CSMD1: variants seen among roughly 807,000 people sequenced by gnomAD.
CSMD1 encodes the protein CUB and sushi domain-containing protein 1.
Under a neutral mutation model 417.5 loss-of-function variants are expected in CSMD1, and 213 were observed. That is an observed-to-expected ratio of 0.51 (90% CI 0.46 to 0.57). CSMD1 has a LOEUF of 0.57. CSMD1 is among the 20% of genes least tolerant of loss of function. The probability of loss-of-function intolerance (pLI) is 0.00; values close to 1 mark genes in which losing one functional copy is unlikely to be tolerated. For synonymous variants in CSMD1, 2,862 were observed against 1,736.8 expected, an observed-to-expected ratio of 1.65 and a Z score of -16.11; for missense variants, 6,923 against 4,529.7, an observed-to-expected ratio of 1.53 and a Z score of -15.17.
chr8:3,979,426 G>C (rs1388068688), intron 5 of CSMD1, among the ~76,000 whole-genome samples: 1 of 152,178 alleles, frequency 6.6e-6, no homozygotes, highest in Non-Finnish European at 1.5e-5. Context: ...AGCTGCAGGA[G>C]AAGGCGTTGA....
At chr8:3,336,805 G>T (rs1414166498) in intron 23 of CSMD1, among the ~76,000 whole-genome samples, 1 of 152,180 alleles carries the variant, frequency 6.6e-6, no homozygotes, top group Non-Finnish European at 1.5e-5. Context: ...TGGGCTTCCA[G>T]GACAGGCACA....
chr8:4,164,358 C>G (rs913805788), intron 3 of CSMD1, among the ~76,000 whole-genome samples: 3 of 152,088 alleles, frequency 2.0e-5, no homozygotes, highest in African/African-American at 7.2e-5. Context: ...ACAACAGTCA[C>G]ACACTGTACT....
chr8:4,429,712 G>A (rs1380179881), intron 2 of CSMD1, among the ~76,000 whole-genome samples: 21 of 152,208 alleles, frequency 1.4e-4, no homozygotes, highest in South Asian at 6.2e-4. Context: ...AGCTCCATGA[G>A]GGCAGAAGTG....
chr8:4,296,021 T>A (rs1014185847), intron 3 of CSMD1, among the ~76,000 whole-genome samples: 1 of 151,882 alleles, frequency 6.6e-6, no homozygotes, highest in African/African-American at 2.4e-5. Context: ...AACAACATCT[T>A]AAAAATGAAA....
chr8:4,702,992 T>C (rs1807682686), intron 1 of CSMD1, among the ~76,000 whole-genome samples: 1 of 152,194 alleles, frequency 6.6e-6, no homozygotes, highest in African/African-American at 2.4e-5. Flanking sequence ...CAAAAAAGAA[T>C]GATTATTTAA....
rs561196689 is a variant in CSMD1, at chr8:3,586,049, A to G, written c.1222+87T>C. On this transcript the variant is annotated intron_variant, in intron 9 of 69. Coordinates refer to ENST00000635120, the MANE Select transcript of CSMD1 (RefSeq NM_033225.6). ...CCGAATTCTACTCTTCCCATACACA[A>G]TGCTTCATGCTTAAATTGTATATTC... The G allele has an allele frequency of 1.5e-5, 20 of 1,373,856 alleles. 1 individual carries two copies. In the South Asian group the frequency reaches 2.3e-4, roughly 16 times the overall value. The allele number at this position is 1,373,856 out of a possible 1,614,324, so 85.1% of individuals were successfully genotyped here.
intron 3 of CSMD1, among the ~76,000 whole-genome samples, chr8:4,299,523 T>G (rs1271736101): frequency 6.6e-6 from 1 of 152,180 alleles, no homozygotes; most frequent in Non-Finnish European, 1.5e-5. Context: ...AAGTGCTGAG[T>G]ATATTGCAAA....
At chr8:3,596,987 G>A (rs1035104723) in intron 8 of CSMD1, among the ~76,000 whole-genome samples, 10 of 152,128 alleles carry the variant, frequency 6.6e-5, no homozygotes, top group Non-Finnish European at 1.2e-4. Context: ...GGCTCACTCT[G>A]TTTCTGTGGC....
intron 8 of CSMD1, among the ~76,000 whole-genome samples, chr8:3,588,050 G>A (rs2469371): frequency 0.87 from 132,616 of 152,080 alleles, 58,193 homozygotes; most frequent in African/African-American, 0.91. Context: ...TTGATCATTG[G>A]TCTGTGTTTA....
At chr8:3,902,341 A>T (rs185367034) in intron 5 of CSMD1, among the ~76,000 whole-genome samples, 2 of 152,232 alleles carry the variant, frequency 1.3e-5, no homozygotes, top group East Asian at 3.9e-4. Flanking sequence ...TTTTGTTTCA[A>T]ATCTTGGCTT....
rs566103433 is a variant in CSMD1 at position 3,470,031 on chromosome 8, T to C, written c.1449-1207A>G. 3.6e-3 allele frequency among the ~76,000 whole-genome samples: 552 copies of C among 152,236 alleles called. 4 individuals carry two copies. Among genetic ancestry groups the C allele is most frequent in the Non-Finnish European group, 4.6e-3 (314 of 68,006 alleles). ...CCAAAAAGCGCACAGATCGTGAATG[T>C]CTAACTCTATGAATTTTTACAAAGT... On this transcript the variant is annotated intron_variant, in intron 11 of 69. Transcript: ENST00000635120.
At chr8:4,779,888 G>A (rs996634578) in intron 1 of CSMD1, among the ~76,000 whole-genome samples, 1 of 151,936 alleles carries the variant, frequency 6.6e-6, no homozygotes, top group Non-Finnish European at 1.5e-5. Context: ...CTGCTTCGGG[G>A]CCTTGCTTTT....
chr8:3,283,612 C>T (rs1011649277), intron 26 of CSMD1, among the ~76,000 whole-genome samples: 1 of 152,156 alleles, frequency 6.6e-6, no homozygotes, highest in East Asian at 1.9e-4. Context: ...CTACTTGCCC[C>T]TTCTGCCCTG....
At chr8:3,802,004 G>A (rs774008557) in intron 5 of CSMD1, among the ~76,000 whole-genome samples, 3 of 151,966 alleles carry the variant, frequency 2.0e-5, no homozygotes, top group Non-Finnish European at 2.9e-5. Flanking sequence ...TTCTAAAATC[G>A]GATTGTGATG....
intron 5 of CSMD1, among the ~76,000 whole-genome samples, chr8:3,843,214 A>G (rs1803247236): frequency 6.6e-6 from 1 of 152,006 alleles, no homozygotes; most frequent in East Asian, 1.9e-4. Context: ...TTGCTTTCCC[A>G]TTTTTTTGTA....
At chr8:4,609,948 T>G (rs1318691133) in intron 2 of CSMD1, among the ~76,000 whole-genome samples, 1 of 152,118 alleles carries the variant, frequency 6.6e-6, no homozygotes, top group African/African-American at 2.4e-5. Flanking sequence ...CTATGCTGGC[T>G]ATTAAACTAC....
intron 3 of CSMD1, among the ~76,000 whole-genome samples, chr8:4,147,883 C>A (rs1238212120): frequency 6.6e-6 from 1 of 152,108 alleles, no homozygotes; most frequent in East Asian, 1.9e-4. Flanking sequence ...GAATCAGGGG[C>A]TGCATGTGAT....
chr8:4,862,895 G>C (rs775997289), intron 1 of CSMD1, among the ~76,000 whole-genome samples: 4 of 151,982 alleles, frequency 2.6e-5, no homozygotes, highest in Non-Finnish European at 4.4e-5. Flanking sequence ...AGGACTGGTA[G>C]AGCCGTGGGA....
chr8:3,445,436 G>C (rs575939093), intron 12 of CSMD1, among the ~76,000 whole-genome samples: 1 of 152,308 alleles, frequency 6.6e-6, no homozygotes, highest in East Asian at 1.9e-4. Context: ...CTCAGAAAGA[G>C]AAAGTGAATT....
Sources: allele counts gnomAD v4.1 joint callset (sites outside exome capture counted in the v4.1 genomes callset), GRCh38; gene constraint gnomAD v4.1.1; transcripts MANE v1.5; gene names NCBI Gene and HGNC (gene_info 2026-07-23, HGNC 2026-07-21).